The following SEMA5A variants were observed in gnomAD, a reference collection of about 807,000 sequenced individuals.
SEMA5A encodes semaphorin 5A.
A neutral mutation model predicts 135.5 loss-of-function variants in SEMA5A; 55 were observed. The ratio of observed to expected loss-of-function variants is 0.41; its 90% CI spans 0.33 to 0.51. SEMA5A has a LOEUF of 0.51. Among genes scored for constraint, SEMA5A ranks in the 20% least tolerant of loss-of-function variants. The pLI is 0.37. For synonymous variants in SEMA5A, 580 were observed against 546.5 expected (o/e 1.06, Z -0.85); for missense variants, 1,290 against 1,419.9 (o/e 0.91, Z 1.47).
In SEMA5A at chr5:9,448,073, G is replaced by A. The variant is rs999488033; in HGVS notation, c.-174-10221C>T. Among the ~76,000 whole-genome samples, 3 of 152,144 alleles carry A rather than the reference G, an allele frequency of 2.0e-5. No individual in the cohort carries two copies. The East Asian group carries it at 5.8e-4, about 29-fold the overall frequency. ...GGGAAGCAGATGCACTTTTGGAGGGGCCAAGATGCTTCTTCCCTTTGCTTC... is the reference window on the plus strand; with the variant it reads ...GGGAAGCAGATGCACTTTTGGAGGGACCAAGATGCTTCTTCCCTTTGCTTC... On this transcript the variant is annotated intron_variant, in intron 1 of 22. Coordinates refer to ENST00000382496, the MANE Select transcript of SEMA5A (RefSeq NM_003966.3).
At chr5:9,120,548 TATAAAG>T (rs1296751474) in intron 14 of SEMA5A, among the ~76,000 whole-genome samples, 3 of 152,128 alleles carry the variant, frequency 2.0e-5, no homozygotes, top group Non-Finnish European at 4.4e-5. Context: ...CCACATTTCT[TATAAAG>T]ATAATCAGCT....
chr5:9,510,451 T>C (rs1482633486), intron 1 of SEMA5A, among the ~76,000 whole-genome samples: 2 of 152,212 alleles, frequency 1.3e-5, no homozygotes, highest in Non-Finnish European at 2.9e-5. Flanking sequence ...TATTGGGAAG[T>C]AAATAACGCA....
chr5:9,415,859 T>C (rs1262698777), intron 2 of SEMA5A, among the ~76,000 whole-genome samples: 20 of 152,224 alleles, frequency 1.3e-4, no homozygotes, highest in African/African-American at 2.4e-5. Flanking sequence ...ATCTCTGATG[T>C]AGCTGAAAGA....
chr5:9,180,587 A>G (rs377035715), intron 11 of SEMA5A, among the ~76,000 whole-genome samples: 17 of 152,268 alleles, frequency 1.1e-4, no homozygotes, highest in South Asian at 6.2e-4. Context: ...TTGCTTAGAA[A>G]CATTGAGTGA....
intron 1 of SEMA5A, among the ~76,000 whole-genome samples, chr5:9,438,084 C>T (rs542160962): frequency 6.6e-6 from 1 of 152,282 alleles, no homozygotes; most frequent in South Asian, 2.1e-4. Flanking sequence ...AGAAATAAAA[C>T]ATTTAAATGC....
chr5:9,120,586 T>TA (rs1170894351), intron 14 of SEMA5A, among the ~76,000 whole-genome samples: 1 of 152,156 alleles, frequency 6.6e-6, no homozygotes, highest in Admixed American at 6.5e-5. Flanking sequence ...CCCTGCTACC[T>TA]AAAATCTTAA....
At chr5:9,157,535 G>T (rs557500995) in intron 11 of SEMA5A, among the ~76,000 whole-genome samples, 4 of 151,896 alleles carry the variant, frequency 2.6e-5, no homozygotes, top group African/African-American at 9.7e-5. Flanking sequence ...CCTAGTTCTC[G>T]TCCACCCGCC....
At chr5:9,368,197 A>G (rs551368330) in intron 3 of SEMA5A, among the ~76,000 whole-genome samples, 135 of 152,346 alleles carry the variant, frequency 8.9e-4, no homozygotes, top group African/African-American at 2.8e-3. Flanking sequence ...GTCTTATTAA[A>G]TGTTACATAA....
At chr5:9,050,367 A>G (rs781214134) in intron 21 of SEMA5A, 43 bp downstream of exon 21, 3 of 1,524,880 alleles carry the variant, frequency 2.0e-6, no homozygotes, top group East Asian at 2.3e-5. Flanking sequence ...TGATTAGAAT[A>G]TATCAGTACA....
intron 11 of SEMA5A, among the ~76,000 whole-genome samples, chr5:9,163,445 T>A (rs891459697): frequency 2.0e-5 from 3 of 152,226 alleles, no homozygotes; most frequent in African/African-American, 7.2e-5. Flanking sequence ...TGCTATTTTT[T>A]AACTTTCAAT....
At chr5:9,495,514 T>A (rs1735259274) in intron 1 of SEMA5A, among the ~76,000 whole-genome samples, 1 of 152,112 alleles carries the variant, frequency 6.6e-6, no homozygotes, top group Non-Finnish European at 1.5e-5. Context: ...ATTTATTGAA[T>A]CCCTACTAGT....
intron 12 of SEMA5A, among the ~76,000 whole-genome samples, chr5:9,140,557 T>C (rs556506099): frequency 2.3e-4 from 35 of 152,328 alleles, no homozygotes; most frequent in Middle Eastern, 3.4e-3. Context: ...CTCCCTGCTG[T>C]GACTCCACCT....
At chr5:9,441,490 T>G (rs562655207) in intron 1 of SEMA5A, among the ~76,000 whole-genome samples, 101 of 151,862 alleles carry the variant, frequency 6.7e-4, no homozygotes, top group Non-Finnish European at 9.1e-4. Flanking sequence ...ATCCCTGGAG[T>G]TGGGTGGAAA....
intron 1 of SEMA5A, among the ~76,000 whole-genome samples, chr5:9,500,765 T>A (rs1356221275): frequency 1.3e-5 from 2 of 152,214 alleles, no homozygotes; most frequent in African/African-American, 2.4e-5. Context: ...CAGGTTGTGG[T>A]CTGTGCCTGG....
chr5:9,515,415 C>T (rs1253176467), intron 1 of SEMA5A, among the ~76,000 whole-genome samples: 2 of 152,170 alleles, frequency 1.3e-5, no homozygotes, highest in Admixed American at 6.5e-5. Context: ...TAAAAGTTAA[C>T]ATAGGGCAGC....
chr5:9,426,056 A>C (rs548445911), intron 2 of SEMA5A, among the ~76,000 whole-genome samples: 1 of 152,304 alleles, frequency 6.6e-6, no homozygotes, highest in South Asian at 2.1e-4. Context: ...TGCTCAGATA[A>C]TGTAAGCATT....
At chr5:9,146,478 C>A (rs1261052980) in intron 12 of SEMA5A, among the ~76,000 whole-genome samples, 1 of 152,078 alleles carries the variant, frequency 6.6e-6, no homozygotes, top group Non-Finnish European at 1.5e-5. Flanking sequence ...TCCCTTACTA[C>A]TGGAAATTGA....
At chr5:9,276,558 A>C (rs1210811142) in intron 5 of SEMA5A, among the ~76,000 whole-genome samples, 2 of 152,228 alleles carry the variant, frequency 1.3e-5, no homozygotes, top group Non-Finnish European at 2.9e-5. Flanking sequence ...ACCTGAATTC[A>C]AACTATAATA....
chr5:9,268,920 G>A (rs941715903), intron 5 of SEMA5A, among the ~76,000 whole-genome samples: 5 of 152,026 alleles, frequency 3.3e-5, no homozygotes, highest in Admixed American at 6.6e-5. Flanking sequence ...ATTTCTATTT[G>A]TTTTAGAAAT....
Sources: gnomAD v4.1 joint callset for allele counts (sites outside exome capture counted in the v4.1 genomes callset) on GRCh38, gnomAD v4.1.1 for gene constraint, MANE v1.5 for transcripts, NCBI Gene and HGNC (gene_info 2026-07-23, HGNC 2026-07-21) for gene names.